The following MTRES1 variants were observed in gnomAD, a reference collection of about 807,000 sequenced individuals.
MTRES1 encodes the protein uncharacterized protein C6orf203.
A neutral mutation model predicts 17.4 loss-of-function variants in MTRES1; 11 were observed. That is an observed-to-expected ratio of 0.63 (90% CI 0.40 to 1.05). MTRES1 has a LOEUF of 1.05. MTRES1 is among the 50% of genes least tolerant of loss of function. The pLI, the probability that MTRES1 is intolerant of heterozygous loss-of-function variation, is 0.00. For missense variants in MTRES1, 268 were observed against 276.2 expected (o/e 0.97, Z 0.21); for synonymous variants, 94 against 99.6 (o/e 0.94, Z 0.34).
intron 1 of MTRES1, among the ~76,000 whole-genome samples, chr6:107,031,470 A>T (rs1773839015): frequency 2.2e-5 from 3 of 136,600 alleles, no homozygotes; most frequent in African/African-American, 2.7e-5. Flanking sequence ...TTTTTGAGAT[A>T]GAGTTTCGCT....
intron 2 of MTRES1, chr6:107,040,795 G>A (rs1314749827): frequency 6.6e-6 from 1 of 151,924 alleles, no homozygotes; most frequent in Admixed American, 6.6e-5. Flanking sequence ...CTTGAACCCG[G>A]GAGGCAGAGG....
chr6:107,044,762 G>A (rs1196713165), intron 3 of MTRES1, among the ~76,000 whole-genome samples: 2 of 152,126 alleles, frequency 1.3e-5, no homozygotes, highest in Non-Finnish European at 2.9e-5. Flanking sequence ...CTGGATGCAC[G>A]GCTTTGTGTG....
chr6:107,051,164 A>T lies in MTRES1; in HGVS notation c.651A>T (p.Glu217Asp), dbSNP rs1554229172. Reference sequence around the variant, plus strand: ...AAAAAGTGTTTGAAGAGAAGACTGAAAGTGAAAAATACAGAGTGGTGTTAC... The same window carrying T: ...AAAAAGTGTTTGAAGAGAAGACTGATAGTGAAAAATACAGAGTGGTGTTAC... ...LLKKVFEEKT[E>D]SEKYRVVLRR... The change falls in exon 4 of 4, where the codon GAA (glutamate) becomes GAT (aspartate). Residue 217 changes from glutamate (E) to aspartate (D), a missense_variant. By Grantham distance (45) the Glu-to-Asp change is conservative. Transcript: ENST00000311381. The T allele has an allele frequency of 1.9e-6, 3 of 1,614,180 alleles. No homozygotes were observed. In the East Asian group the frequency reaches 6.7e-5, roughly 36 times the overall value.
At chr6:107,028,709 G>A (rs6904668) in intron 1 of MTRES1, 18,146 of 158,876 alleles carry the variant, frequency 0.11, 1,428 homozygotes, top group East Asian at 0.35. Context: ...GCGGTGAACG[G>A]GCTCAGGAAT....
At chr6:107,030,695 G>T (rs1293311862) in intron 1 of MTRES1, among the ~76,000 whole-genome samples, 4 of 152,180 alleles carry the variant, frequency 2.6e-5, no homozygotes, top group African/African-American at 9.7e-5. Context: ...AAAAAAGCAG[G>T]TGTTTAGAAT....
chr6:107,031,597 C>T lies in MTRES1; in HGVS notation c.-13+3326C>T, dbSNP rs571295395. Among the ~76,000 whole-genome samples the T allele has an allele frequency of 1.4e-3, 198 of 144,878 alleles. 1 individual carries two copies. The highest frequency in any genetic ancestry group is 4.7e-3 in the African/African-American group (185 of 39,220). On this transcript the variant is annotated intron_variant, in intron 1 of 3. Coordinates refer to ENST00000311381, the MANE Select transcript of MTRES1 (RefSeq NM_016487.5). ...AGCTAGGATTACAGATGCCTGCCAT[C>T]GTGCCCAGCTATTTTTTTTTTTTGA...
chr6:107,049,142 CAG>C (rs1774501470), intron 3 of MTRES1, among the ~76,000 whole-genome samples: 1 of 152,072 alleles, frequency 6.6e-6, no homozygotes, highest in Non-Finnish European at 1.5e-5. Context: ...TGAAAGGTTT[CAG>C]AGTCTGAAGT....
intron 2 of MTRES1, among the ~76,000 whole-genome samples, chr6:107,042,771 C>T (rs1292675990): frequency 2.0e-5 from 3 of 152,172 alleles, no homozygotes; most frequent in Admixed American, 6.5e-5. Context: ...TTGTGAATCA[C>T]CAGAGCTGCA....
chr6:107,028,762 CT>C, intron 1 of MTRES1: 9 of 424,244 alleles, frequency 2.1e-5, no homozygotes, highest in Non-Finnish European at 2.8e-5. Context: ...GTCAGCGCTG[CT>C]TTTTTTACAG....
At chr6:107,030,304 A>G (rs1554226289) in intron 1 of MTRES1, among the ~76,000 whole-genome samples, 3 of 152,172 alleles carry the variant, frequency 2.0e-5, no homozygotes, top group Non-Finnish European at 4.4e-5. Context: ...CATCGTATGA[A>G]TGACTTTATT....
chr6:107,032,276 G>A (rs1554226526), intron 1 of MTRES1, among the ~76,000 whole-genome samples: 3 of 151,946 alleles, frequency 2.0e-5, no homozygotes, highest in Non-Finnish European at 4.4e-5. Context: ...CAAGTGCCTG[G>A]CTAGGCCTTG....
At chr6:107,038,967 T>C (rs1325648588) in intron 1 of MTRES1, among the ~76,000 whole-genome samples, 4 of 151,768 alleles carry the variant, frequency 2.6e-5, no homozygotes, top group Admixed American at 1.3e-4. Context: ...GGCAGGAAAA[T>C]AGCTTGAACC....
intron 1 of MTRES1, chr6:107,029,926 C>G (rs183426915): frequency 6.4e-6 from 4 of 628,362 alleles, no homozygotes; most frequent in Non-Finnish European, 1.1e-5. Flanking sequence ...TCTCAATCCC[C>G]CTTACCCTGC....
chr6:107,030,157 G>A (rs377359400), intron 1 of MTRES1: 4 of 718,398 alleles, frequency 5.6e-6, no homozygotes, highest in African/African-American at 5.2e-5. Flanking sequence ...AGCTGAATTT[G>A]CAAGAGTCAA....
intron 2 of MTRES1, among the ~76,000 whole-genome samples, chr6:107,042,123 G>A (rs1443514371): frequency 2.6e-5 from 4 of 151,736 alleles, no homozygotes; most frequent in South Asian, 4.2e-4. Flanking sequence ...GGTGTATCAC[G>A]AGGTCAGGTG....
At chr6:107,039,555 G>C (rs1774117951) in intron 1 of MTRES1, among the ~76,000 whole-genome samples, 194 bp from the exon 2 acceptor site, 1 of 151,964 alleles carries the variant, frequency 6.6e-6, no homozygotes, top group Admixed American at 6.6e-5. Flanking sequence ...CCTGACCTCA[G>C]GTGATCCACC....
At chr6:107,030,743 T>C (rs1360086594) in intron 1 of MTRES1, among the ~76,000 whole-genome samples, 1 of 152,164 alleles carries the variant, frequency 6.6e-6, no homozygotes, top group African/African-American at 2.4e-5. Flanking sequence ...GCCACTCTTA[T>C]CCAGGTGGGA....
intron 1 of MTRES1, among the ~76,000 whole-genome samples, chr6:107,031,821 G>A (rs978973797): frequency 6.6e-6 from 1 of 151,972 alleles, no homozygotes; most frequent in Non-Finnish European, 1.5e-5. Context: ...GGCTGGTCTC[G>A]AACTCCCGAC....
rs1047567144 is a variant in MTRES1, at chr6:107,047,278, G to A, written c.543+2946G>A. ...TGCTCGGTTACCCAGGCTGGAGTGC[G>A]GTGGTGCAGCCACAGCTCATTGCAA... On this transcript the variant is annotated intron_variant, in intron 3 of 3. Transcript: ENST00000311381. Among the ~76,000 whole-genome samples, 6 of 151,456 alleles carry A rather than the reference G, an allele frequency of 4.0e-5. 1 individual carries two copies. Among genetic ancestry groups the A allele is most frequent in the African/African-American group, 1.5e-4 (6 of 41,164 alleles).
Sources: allele counts gnomAD v4.1 joint callset (sites outside exome capture counted in the v4.1 genomes callset), GRCh38; gene constraint gnomAD v4.1.1; transcripts MANE v1.5; gene names NCBI Gene and HGNC (gene_info 2026-07-23, HGNC 2026-07-21).